The following DLGAP2 variants were observed in gnomAD, a reference collection of about 807,000 sequenced individuals.
DLGAP2 encodes disks large-associated protein 2.
DLGAP2 carries 26 observed loss-of-function variants against 100.3 expected under a neutral mutation model. That is an observed-to-expected ratio of 0.26 (90% CI 0.19 to 0.36). The LOEUF is 0.36. Ranked by LOEUF, DLGAP2 falls within the 10% of genes least tolerant of loss-of-function variation. DLGAP2 has a pLI of 1.00. For synonymous variants in DLGAP2, 886 were observed against 630.1 expected, an observed-to-expected ratio of 1.41 and a Z score of -6.08; for missense variants, 1,858 against 1,453.2, an observed-to-expected ratio of 1.28 and a Z score of -4.53.
chr8:1,430,433 G>C lies in DLGAP2; in HGVS notation c.107-70933G>C, dbSNP rs370750489. Among the ~76,000 whole-genome samples, 18 of 152,272 alleles carry C rather than the reference G, an allele frequency of 1.2e-4. No individual in the cohort carries two copies. The East Asian group carries it at 2.9e-3, about 25-fold the overall frequency. Reference sequence around the variant, plus strand: ...GCTGATGTTTCTTCAAGGTCGGTTTGATCAAATCACATTAGGCAAAGGACT... The same window carrying C: ...GCTGATGTTTCTTCAAGGTCGGTTTCATCAAATCACATTAGGCAAAGGACT... On this transcript the variant is annotated intron_variant, in intron 3 of 14. Coordinates refer to ENST00000637795, the MANE Select transcript of DLGAP2 (RefSeq NM_001346810.2).
chr8:1,125,053 G>C (rs752023005), intron 2 of DLGAP2, among the ~76,000 whole-genome samples: 1 of 152,208 alleles, frequency 6.6e-6, no homozygotes, highest in Non-Finnish European at 1.5e-5. Flanking sequence ...TGTATTTCTA[G>C]TTCTTTGAAT....
At chr8:1,059,577 C>G (rs757955314) in intron 2 of DLGAP2, among the ~76,000 whole-genome samples, 33 of 152,270 alleles carry the variant, frequency 2.2e-4, no homozygotes, top group Admixed American at 3.9e-4. Context: ...GTGAGCTTCC[C>G]GGAGGCAGGG....
At position 1,481,372 on chromosome 8, in the gene DLGAP2, C is replaced by G. The variant is rs76411692; in HGVS notation, c.107-19994C>G. Among the ~76,000 whole-genome samples, 939 of 151,458 alleles carry G rather than the reference C, an allele frequency of 6.2e-3. 32 individuals carry two copies. The East Asian group carries it at 0.068, about 11-fold the overall frequency. ...GGAGGTGGAGATAGAAAGATTTACA[C>G]TTTTCTTTCCAATGGCAAAGCCTTT... On this transcript the variant is annotated intron_variant, in intron 3 of 14. Transcript: ENST00000637795.
At chr8:1,075,711 G>T (rs772788206) in intron 2 of DLGAP2, among the ~76,000 whole-genome samples, 14 of 152,092 alleles carry the variant, frequency 9.2e-5, no homozygotes, top group Non-Finnish European at 1.0e-4. Flanking sequence ...GAGCAAGGTT[G>T]CATCTGACCC....
At position 1,188,075 on chromosome 8, in the gene DLGAP2, C is replaced by T. The variant is rs186392774; in HGVS notation, c.74-70776C>T. 1.9e-4 allele frequency among the ~76,000 whole-genome samples: 22 copies of T among 115,856 alleles called. 1 individual carries two copies. The highest frequency in any genetic ancestry group is 9.5e-4 in the African/African-American group (16 of 16,830). The allele number at this position is 115,856 out of a possible 152,430, so 76.0% of individuals were successfully genotyped here. A position where few individuals can be genotyped will look rare whatever the true frequency, so the allele number is the denominator to read the frequency against. On this transcript the variant is annotated intron_variant, in intron 2 of 14. Transcript: ENST00000637795. The stretch of plus-strand genomic sequence containing the variant: ...TCTCACACACCCGGGACCTCCGTGA[C>T]GTTTGCCTCATGGAATCTCACACAC...
chr8:1,271,756 T>G (rs1799588199), intron 3 of DLGAP2, among the ~76,000 whole-genome samples: 1 of 152,202 alleles, frequency 6.6e-6, no homozygotes, highest in Admixed American at 6.5e-5. Flanking sequence ...ACTTGTTGTT[T>G]AAGATGAATA....
At chr8:937,754 G>C (rs1368669475) in intron 2 of DLGAP2, among the ~76,000 whole-genome samples, 1 of 152,174 alleles carries the variant, frequency 6.6e-6, no homozygotes, top group African/African-American at 2.4e-5. Flanking sequence ...GGTGTTGTCT[G>C]CGTCTGTGCC....
At chr8:1,248,600 G>A (rs1343544428) in intron 2 of DLGAP2, 2 of 150,900 alleles carry the variant, frequency 1.3e-5, no homozygotes, top group East Asian at 2.0e-4. Context: ...ATCAGTGTAG[G>A]AGTGATGGTC....
intron 6 of DLGAP2, among the ~76,000 whole-genome samples, chr8:1,584,251 A>G (rs1584955137): frequency 6.6e-6 from 1 of 152,336 alleles, no homozygotes; most frequent in East Asian, 1.9e-4. Context: ...CGACGCCGAT[A>G]AAGTAATCCT....
At chr8:1,336,704 C>A (rs1801283464) in intron 3 of DLGAP2, among the ~76,000 whole-genome samples, 1 of 152,210 alleles carries the variant, frequency 6.6e-6, no homozygotes, top group African/African-American at 2.4e-5. Context: ...ACTCTTTTCT[C>A]ACCCCTAAAT....
Position 1,701,270 on chromosome 8 carries a change from T to G in DLGAP2, c.3032T>G (p.Leu1011Arg), listed in dbSNP as rs940289270. ...ATCACAAGAGAAAAATCCCTGGACC[T>G]GCCCGACAGACAACGCCAGGAAGCC... ...FPITREKSLD[L>R]PDRQRQEARR... The change falls in exon 15 of 15, where the codon CTG becomes CGG. Residue 1011 changes from leucine (L) to arginine (R), a missense_variant. Physicochemically the swap from Leu to Arg is moderately radical, Grantham distance 102 (BLOSUM62 -2). Coordinates refer to ENST00000637795, the MANE Select transcript of DLGAP2 (RefSeq NM_001346810.2). The G allele has an allele frequency of 1.9e-6, 3 of 1,583,130 alleles. No individual in the cohort carries two copies. The highest frequency in any genetic ancestry group is 2.6e-6 in the Non-Finnish European group (3 of 1,165,410).
intron 2 of DLGAP2, among the ~76,000 whole-genome samples, chr8:1,030,879 A>T (rs942302123): frequency 4.6e-5 from 7 of 152,116 alleles, no homozygotes; most frequent in African/African-American, 9.7e-5. Context: ...CACTTCTCAG[A>T]CCGCAGCCAC....
intron 3 of DLGAP2, among the ~76,000 whole-genome samples, chr8:1,346,503 G>C (rs990762483): frequency 3.3e-5 from 5 of 151,894 alleles, no homozygotes; most frequent in African/African-American, 1.2e-4. Context: ...TTGCTCTCAT[G>C]ATAGCTGTGT....
At chr8:1,604,501 C>T (rs961562384) in intron 6 of DLGAP2, 2 of 152,146 alleles carry the variant, frequency 1.3e-5, no homozygotes, top group African/African-American at 2.4e-5. Flanking sequence ...TTCTAAATTC[C>T]ATCTCCGGGG....
At chr8:1,690,010 A>T (rs1213880915) in intron 12 of DLGAP2, among the ~76,000 whole-genome samples, 1 of 152,186 alleles carries the variant, frequency 6.6e-6, no homozygotes, top group Non-Finnish European at 1.5e-5. Flanking sequence ...GTGAGCTAGG[A>T]TCTACCAAAG....
rs1417089718 is a variant in DLGAP2 at position 1,704,872 on chromosome 8, A to G, written c.*3466A>G. Reference sequence around the variant, plus strand: ...GGCCAGGTTTATTATTAGAAGACACAGTGGCAGAGCACACATGTGCACAGG... The same window carrying G: ...GGCCAGGTTTATTATTAGAAGACACGGTGGCAGAGCACACATGTGCACAGG... On this transcript the variant is annotated 3_prime_UTR_variant, in exon 15 of 15. Transcript: ENST00000637795. The G allele has an allele frequency of 6.6e-6, 1 of 152,156 alleles. No homozygotes were observed. Among genetic ancestry groups the G allele is most frequent in the African/African-American group, 2.4e-5 (1 of 41,444 alleles). The allele number at this position is 152,156 out of a possible 1,614,324, so 9.4% of individuals were successfully genotyped here.
chr8:1,389,491 C>G (rs896163607), intron 3 of DLGAP2, among the ~76,000 whole-genome samples: 14 of 152,092 alleles, frequency 9.2e-5, no homozygotes, highest in African/African-American at 2.7e-4. Context: ...AGGGACCCCG[C>G]TAAGGGCACT....
chr8:1,063,755 G>A (rs1803160024), intron 2 of DLGAP2, among the ~76,000 whole-genome samples: 1 of 152,124 alleles, frequency 6.6e-6, no homozygotes, highest in African/African-American at 2.4e-5. Context: ...GATGTTATTG[G>A]TTTGTGCATA....
At chr8:1,355,823 C>T (rs933208744) in intron 3 of DLGAP2, among the ~76,000 whole-genome samples, 10 of 152,166 alleles carry the variant, frequency 6.6e-5, no homozygotes, top group African/African-American at 2.2e-4. Flanking sequence ...CCTGGCCATG[C>T]CCACCAGCCA....
Sources: gnomAD v4.1 joint callset for allele counts (sites outside exome capture counted in the v4.1 genomes callset) on GRCh38, gnomAD v4.1.1 for gene constraint, MANE v1.5 for transcripts, NCBI Gene and HGNC (gene_info 2026-07-23, HGNC 2026-07-21) for gene names.